Variants in NUP93 observed in about 807,000 individuals in gnomAD.
NUP93 encodes the protein nuclear pore complex protein Nup93.
In NUP93, 55 loss-of-function variants were observed where a neutral mutation model predicts 107.8. That is an observed-to-expected ratio of 0.51 (90% CI 0.41 to 0.64). NUP93 has a LOEUF of 0.64. Ranked by LOEUF, NUP93 falls within the 30% of genes least tolerant of loss-of-function variation. NUP93 has a pLI of 0.00. For synonymous variants in NUP93, 390 were observed against 397.5 expected (o/e 0.98, Z 0.22); for missense variants, 937 against 1,044.7 (o/e 0.90, Z 1.42).
intron 1 of NUP93, among the ~76,000 whole-genome samples, chr16:56,736,664 G>C (rs928999835): frequency 6.6e-6 from 1 of 152,184 alleles, no homozygotes; most frequent in South Asian, 2.1e-4. Context: ...TGGAGACATG[G>C]TGGGTGTGAC....
At chr16:56,741,917 T>C (rs1961746587) in intron 1 of NUP93, 3 of 152,240 alleles carry the variant, frequency 2.0e-5, no homozygotes, top group South Asian at 2.1e-4. Flanking sequence ...CATCTCCCCA[T>C]GCAAGTCAGT....
chr16:56,826,665 C>T (rs1030883206), intron 8 of NUP93, among the ~76,000 whole-genome samples: 1 of 151,932 alleles, frequency 6.6e-6, no homozygotes, highest in Non-Finnish European at 1.5e-5. Flanking sequence ...GGGGAGGACC[C>T]GTATACCATC....
intron 3 of NUP93, among the ~76,000 whole-genome samples, chr16:56,774,046 T>C (rs1455146274): frequency 6.6e-6 from 1 of 152,168 alleles, no homozygotes; most frequent in Non-Finnish European, 1.5e-5. Flanking sequence ...AATCTGATAT[T>C]AAGGCTGTAG....
Position 56,780,755 on chromosome 16 carries a change from C to T in NUP93, c.298-17721C>T, listed in dbSNP as rs771437018. Among the ~76,000 whole-genome samples, 153 of 152,148 alleles carry T rather than the reference C, an allele frequency of 1.0e-3. 1 individual carries two copies. Among genetic ancestry groups the T allele is most frequent in the Non-Finnish European group, 1.9e-3 (126 of 68,018 alleles). On this transcript the variant is annotated intron_variant, in intron 3 of 21. Coordinates refer to ENST00000308159, the MANE Select transcript of NUP93 (RefSeq NM_014669.5). ...AAATTGGCAAATATTATGTGTCTTT[C>T]AGATTCTGCAGTATAGATGTTGGTT... is the stretch of plus-strand genomic sequence containing the variant.
chr16:56,755,766 TAGAGAGGCTGAGGCACAAGAATTGCTTG>T (rs1962007621), intron 2 of NUP93, among the ~76,000 whole-genome samples: 2 of 152,064 alleles, frequency 1.3e-5, no homozygotes, highest in Admixed American at 6.6e-5. Context: ...TCCCAGCTAC[TAGAGAGGCTGAGGCACAAGAATTGCTTG>T]AACCTGGGAG....
intron 3 of NUP93, among the ~76,000 whole-genome samples, chr16:56,793,824 G>T (rs1267582583): frequency 6.6e-6 from 1 of 152,082 alleles, no homozygotes; most frequent in Non-Finnish European, 1.5e-5. Flanking sequence ...GGAGGCTGAG[G>T]CGGGCAGATC....
At chr16:56,743,234 A>G (rs907034371) in intron 1 of NUP93, among the ~76,000 whole-genome samples, 3 of 152,170 alleles carry the variant, frequency 2.0e-5, no homozygotes, top group Non-Finnish European at 2.9e-5. Flanking sequence ...CTGCCTTTAT[A>G]TTTAGTTCAT....
chr16:56,826,985 G>T (rs1209415677), intron 8 of NUP93, among the ~76,000 whole-genome samples: 3 of 144,230 alleles, frequency 2.1e-5, no homozygotes, highest in African/African-American at 7.8e-5. Flanking sequence ...GGCAGAGGTT[G>T]CAGTGAGCCG....
In NUP93 at chr16:56,748,345, T is replaced by C. The variant is rs751135135; in HGVS notation, c.98T>C (p.Leu33Ser). 3.1e-6 allele frequency: 5 copies of C among 1,614,052 alleles called. No individual in the cohort carries two copies. Among genetic ancestry groups the C allele is most frequent in the Non-Finnish European group, 4.2e-6 (5 of 1,180,008 alleles). The stretch of plus-strand genomic sequence containing the variant: ...GAGCTTCCCCATGTGGAACGGAACT[T>C]ACAGGAGATCCAGCAGGCGGGAGAG... ...ISELPHVERN[L>S]QEIQQAGERL... is the part of the protein sequence containing the mutation. The change falls in exon 2 of 22, where the codon TTA (leucine) becomes TCA (serine). Residue 33 changes from leucine to serine, a missense_variant. Physicochemically the swap from Leu to Ser is moderately radical, Grantham distance 145. Transcript: ENST00000308159.
intron 3 of NUP93, among the ~76,000 whole-genome samples, chr16:56,778,580 G>A (rs1567384918): frequency 6.6e-6 from 1 of 152,202 alleles, no homozygotes; most frequent in African/African-American, 2.4e-5. Flanking sequence ...GGAAAAAGAT[G>A]TGTGAGGGAC....
chr16:56,774,120 T>C (rs747966178), intron 3 of NUP93, among the ~76,000 whole-genome samples: 12 of 152,156 alleles, frequency 7.9e-5, no homozygotes, highest in Admixed American at 1.3e-4. Flanking sequence ...GAGGGAGACA[T>C]GGGAAAGGGA....
intron 5 of NUP93, among the ~76,000 whole-genome samples, chr16:56,814,332 C>T (rs887051907): frequency 1.3e-5 from 2 of 152,228 alleles, no homozygotes; most frequent in South Asian, 2.1e-4. Flanking sequence ...ACTACAGGCG[C>T]GTTCTGCCAC....
In NUP93 at chr16:56,844,575, C is replaced by T. The variant is rs752264053; in HGVS notation, c.2426C>T (p.Ala809Val). Residue 809 changes from alanine to valine, a missense_variant, in exon 22 of 22, where the codon GCG becomes GTG. Transcript: ENST00000308159. ...TACCGAACGTCTGGGGACACCAATG[C>T]GAGGCTGGTGCAGATGGAGGTCCTC... is the stretch of plus-strand genomic sequence containing the variant. Reference protein sequence around the residue: ...IPYRTSGDTNARLVQMEVLMN With the variant: ...IPYRTSGDTNVRLVQMEVLMN The T allele has an allele frequency of 3.7e-5, 59 of 1,589,586 alleles. No homozygotes were observed. The highest frequency in any genetic ancestry group is 5.3e-5 in the Admixed American group (3 of 56,674).
chr16:56,835,949 A>G (rs967085274), intron 16 of NUP93, among the ~76,000 whole-genome samples: 2 of 152,134 alleles, frequency 1.3e-5, no homozygotes, highest in Non-Finnish European at 2.9e-5. Flanking sequence ...TAACACGGTG[A>G]AACCCTGTCT....
chr16:56,797,545 G>A (rs1235062126), intron 3 of NUP93, among the ~76,000 whole-genome samples: 1 of 152,118 alleles, frequency 6.6e-6, no homozygotes, highest in Non-Finnish European at 1.5e-5. Flanking sequence ...TAATGTCTCA[G>A]CCCTTTTCCT....
chr16:56,845,837 AC>A lies in NUP93; in HGVS notation c.*1230del, dbSNP rs1431860644. ...TCTCCCAGTTGTTAAAATAATTGTTACCTTTTCTTTTGGGAAGAAATAATCT... is the reference window on the plus strand; with the variant it reads ...TCTCCCAGTTGTTAAAATAATTGTTACTTTTCTTTTGGGAAGAAATAATCT... On this transcript the variant is annotated 3_prime_UTR_variant, in exon 22 of 22. Coordinates refer to ENST00000308159, the MANE Select transcript of NUP93 (RefSeq NM_014669.5). 1 of 152,092 alleles carries A rather than the reference AC, an allele frequency of 6.6e-6. No individual in the cohort carries two copies. The highest frequency in any genetic ancestry group is 1.5e-5 in the Non-Finnish European group (1 of 68,020). The allele number at this position is 152,092 out of a possible 1,614,324, so 9.4% of individuals were successfully genotyped here. A position where few individuals can be genotyped will look rare whatever the true frequency, so the allele number is the denominator to read the frequency against.
Position 56,834,142 on chromosome 16 carries a change from G to A in NUP93, c.1552G>A (p.Gly518Ser). 6.2e-7 allele frequency: 1 copy of A among 1,614,176 alleles called. No homozygotes were observed. The highest frequency in any genetic ancestry group is 8.5e-7 in the Non-Finnish European group (1 of 1,180,038). Residue 518 changes from glycine (G) to serine (S), a missense_variant, in exon 14 of 22, where the codon GGT becomes AGT. Physicochemically the swap from Gly to Ser is moderately conservative, Grantham distance 56. Transcript: ENST00000308159. ...CCACAATGCAGTCAGCCACGAGCCTGGTGACCCTCCTTGCTTGCGGCGGCT... is the reference window on the plus strand; with the variant it reads ...CCACAATGCAGTCAGCCACGAGCCTAGTGACCCTCCTTGCTTGCGGCGGCT... ...QSAQLLSHEPGDPPCLRRLNF... is the reference protein window; with the variant it reads ...QSAQLLSHEPSDPPCLRRLNF...
rs115058188 is a variant in NUP93 at position 56,837,212 on chromosome 16, T to A, written c.1900-396T>A. On this transcript the variant is annotated intron_variant, in intron 17 of 21. Coordinates refer to ENST00000308159, the MANE Select transcript of NUP93 (RefSeq NM_014669.5). ...AGAACATATGATAACTGCTAAGGAT[T>A]CTATGACCTAAACAAGATTACATTC... Among the ~76,000 whole-genome samples, 654 of 152,286 alleles carry A rather than the reference T, an allele frequency of 4.3e-3. 6 individuals are homozygous for A. The highest frequency in any genetic ancestry group is 0.015 in the African/African-American group (605 of 41,554).
At chr16:56,771,754 C>G (rs1172676787) in intron 3 of NUP93, among the ~76,000 whole-genome samples, 1 of 152,176 alleles carries the variant, frequency 6.6e-6, no homozygotes, top group Non-Finnish European at 1.5e-5. Context: ...TTTGTTGATA[C>G]TGCTGACATA....
Sources: allele counts gnomAD v4.1 joint callset (sites outside exome capture counted in the v4.1 genomes callset), GRCh38; gene constraint gnomAD v4.1.1; transcripts MANE v1.5; gene names NCBI Gene and HGNC (gene_info 2026-07-23, HGNC 2026-07-21).